TMEM165: variants seen among roughly 807,000 people sequenced by gnomAD.
TMEM165 encodes transmembrane protein 165, also known as putative divalent cation/proton antiporter TMEM165.
In TMEM165, 19 loss-of-function variants were observed where a neutral mutation model predicts 30.0. The ratio of observed to expected loss-of-function variants is 0.63; its 90% CI spans 0.44 to 0.93. TMEM165 has a LOEUF of 0.93. Among genes scored for constraint, TMEM165 ranks in the 40% least tolerant of loss-of-function variants. The probability of loss-of-function intolerance (pLI) is 0.00; values close to 1 mark genes in which losing one functional copy is unlikely to be tolerated. For synonymous variants in TMEM165, 168 were observed against 162.9 expected, an observed-to-expected ratio of 1.03 and a Z score of -0.24; for missense variants, 340 against 417.0, an observed-to-expected ratio of 0.82 and a Z score of 1.61.
At chr4:55,404,868 G>A (rs55832526) in intron 1 of TMEM165, among the ~76,000 whole-genome samples, 1 of 152,142 alleles carries the variant, frequency 6.6e-6, no homozygotes, top group Non-Finnish European at 1.5e-5. Context: ...GAATAATGAA[G>A]CCCGTTTGAC....
chr4:55,402,885 G>A (rs373771255), intron 1 of TMEM165, among the ~76,000 whole-genome samples: 4,125 of 133,684 alleles, frequency 0.031, 231 homozygotes, highest in African/African-American at 0.11. Flanking sequence ...TCTGCCTCCC[G>A]GGTTCACGCC....
At chr4:55,440,766 C>T (rs548067154) in intron 3 of TMEM165, among the ~76,000 whole-genome samples, 1 of 152,280 alleles carries the variant, frequency 6.6e-6, no homozygotes, top group South Asian at 2.1e-4. Context: ...CTTTAATCTG[C>T]TTTCGTGTAA....
Position 55,417,990 on chromosome 4 carries a change from G to T in TMEM165, c.792+5G>T. ...ATTGTATTGGCAGCTAGAGAGGTGAGTGATATTTGAGAGGAGACTGTTTAA... is the reference window on the plus strand; with the variant it reads ...ATTGTATTGGCAGCTAGAGAGGTGATTGATATTTGAGAGGAGACTGTTTAA... On this transcript the variant is annotated splice_donor_5th_base_variant and intron_variant, in intron 4 of 5. Coordinates refer to ENST00000381334, the MANE Select transcript of TMEM165 (RefSeq NM_018475.5). 1 of 1,601,460 alleles carries T rather than the reference G, an allele frequency of 6.2e-7. No individual in the cohort carries two copies. Among genetic ancestry groups the T allele is most frequent in the Non-Finnish European group, 8.5e-7 (1 of 1,175,248 alleles).
intron 2 of TMEM165, among the ~76,000 whole-genome samples, chr4:55,413,293 A>C (rs1721589360): frequency 6.6e-6 from 1 of 151,630 alleles, no homozygotes. Context: ...CCTTGTATTT[A>C]TTTTTTAAAT....
intron 3 of TMEM165, among the ~76,000 whole-genome samples, chr4:55,451,452 G>A (rs1053827945): frequency 1.3e-5 from 2 of 152,092 alleles, no homozygotes; most frequent in Admixed American, 1.3e-4. Context: ...AGTGCTCCAA[G>A]ACACACCCAT....
In TMEM165 at chr4:55,396,160, C is replaced by A; in HGVS notation, c.-30C>A. The A allele has an allele frequency of 1.5e-6, 2 of 1,337,292 alleles. No individual in the cohort carries two copies. Among genetic ancestry groups the A allele is most frequent in the Non-Finnish European group, 1.9e-6 (2 of 1,056,760 alleles). 82.8% of individuals were successfully genotyped at this position (1,337,292 alleles called of 1,614,324 possible). A position where few individuals can be genotyped will look rare whatever the true frequency, so the allele number is the denominator to read the frequency against. On this transcript the variant is annotated 5_prime_UTR_variant, in exon 1 of 6. Transcript: ENST00000381334. Reference sequence around the variant, plus strand: ...CCGTCGCCGGCACTTCCTCTTGCGGCGCCCGTGCGCGGCCGGCCCGGCAGG... The same window carrying A: ...CCGTCGCCGGCACTTCCTCTTGCGGAGCCCGTGCGCGGCCGGCCCGGCAGG...
In TMEM165 at chr4:55,417,263, G is replaced by A; in HGVS notation, c.609+16G>A. 1 of 1,605,326 alleles carries A rather than the reference G, an allele frequency of 6.2e-7. No individual in the cohort carries two copies. The highest frequency in any genetic ancestry group is 8.5e-7 in the Non-Finnish European group (1 of 1,176,712). ...AGATGAAGAAGTAAGCCATGGCACT[G>A]TTGATCTGGACCAAAAAGGCACTCA... On this transcript the variant is annotated intron_variant, in intron 3 of 5. Transcript: ENST00000381334.
In TMEM165 at chr4:55,418,103, T is replaced by A. The variant is rs569254345; in HGVS notation, c.792+118T>A. 74 of 910,290 alleles carry A rather than the reference T, an allele frequency of 8.1e-5. No individual in the cohort carries two copies. The African/African-American group carries it at 1.1e-3, about 14-fold the overall frequency. 56.4% of individuals were successfully genotyped at this position (910,290 alleles called of 1,614,324 possible). A position where few individuals can be genotyped will look rare whatever the true frequency, so the allele number is the denominator to read the frequency against. On this transcript the variant is annotated intron_variant, in intron 4 of 5. Transcript: ENST00000381334. ...GCATTCCTTCATATGCAAGACTGTT[T>A]TACATCTGATAATTCAGCTGCTCTC...
intron 3 of TMEM165, among the ~76,000 whole-genome samples, chr4:55,445,906 A>C (rs945101085): frequency 6.6e-6 from 1 of 151,756 alleles, no homozygotes; most frequent in Non-Finnish European, 1.5e-5. Context: ...TTATTCCTAT[A>C]TTCTTTAGGT....
intron 1 of TMEM165, among the ~76,000 whole-genome samples, chr4:55,400,275 A>AT (rs1720914819): frequency 8.4e-5 from 9 of 106,702 alleles, no homozygotes; most frequent in African/African-American, 2.9e-4. Context: ...AATATATAAT[A>AT]TAATATTATA....
intron 1 of TMEM165, among the ~76,000 whole-genome samples, chr4:55,400,281 T>TATAA (rs1231426418): frequency 1.1e-5 from 1 of 95,182 alleles, no homozygotes; most frequent in African/African-American, 6.3e-5. Context: ...TAATATAATA[T>TATAA]TATATATTAT....
In TMEM165 at chr4:55,425,388, G is replaced by A; in HGVS notation, c.911G>A (p.Gly304Glu). ...KISVRTVTIIGGIVFLAFAFS... is the reference protein window; with the variant it reads ...KISVRTVTIIEGIVFLAFAFS... ...CTCTCTCTTCCAGTGACAATCATAG[G>A]AGGCATCGTTTTTTTGGCGTTTGCA... Residue 304 changes from glycine (G) to glutamate (E), a missense_variant, in exon 6 of 6, where the codon GGA becomes GAA. Coordinates refer to ENST00000381334, the MANE Select transcript of TMEM165 (RefSeq NM_018475.5). The A allele has an allele frequency of 1.2e-6, 2 of 1,613,774 alleles. No homozygotes were observed. The highest frequency in any genetic ancestry group is 1.7e-6 in the Non-Finnish European group (2 of 1,179,820).
chr4:55,435,163 A>T (rs1411457169), intron 3 of TMEM165: 2 of 506,756 alleles, frequency 3.9e-6, no homozygotes, highest in East Asian at 7.1e-5. Context: ...TTTTCCATCA[A>T]AAAATATCCA....
rs1720701340 is a variant in TMEM165, at chr4:55,395,983, G to T, written c.-207G>T. On this transcript the variant is annotated 5_prime_UTR_variant, in exon 1 of 6. In the 5' UTR this introduces an upstream ATG that the reference lacks. Transcript: ENST00000381334. ...ACTCCAGTTTAGCCGCCGCCGGAGA[G>T]GACGGGCGCCGAGCCGGGGCTGCGG... 2.6e-6 allele frequency: 1 copy of T among 390,564 alleles called. No individual in the cohort carries two copies. 24.2% of individuals were successfully genotyped at this position (390,564 alleles called of 1,614,324 possible). A position where few individuals can be genotyped will look rare whatever the true frequency, so the allele number is the denominator to read the frequency against.
At chr4:55,448,832 G>A in intron 3 of TMEM165, 1 of 1,613,942 alleles carries the variant, frequency 6.2e-7, no homozygotes, top group Non-Finnish European at 8.5e-7. Context: ...ATCACTGGCT[G>A]TGTTAATGAT....
chr4:55,418,214 T>C (rs1027421712), intron 4 of TMEM165: 22 of 410,236 alleles, frequency 5.4e-5, no homozygotes, highest in Non-Finnish European at 9.0e-5. Context: ...CTCATCCTTT[T>C]CCCTTTGGTT....
Position 55,442,341 on chromosome 4 carries a change from A to G in TMEM165, c.409-9898A>G, listed in dbSNP as rs1426120501. ...CTGCAGTGAGCATCTCATTAAAATCACATTAAAAAATTTGATTAAGAAATC... is the reference window on the plus strand; with the variant it reads ...CTGCAGTGAGCATCTCATTAAAATCGCATTAAAAAATTTGATTAAGAAATC... On this transcript the variant is annotated intron_variant, in intron 3 of 3. Transcript: ENST00000608091. 3.6e-6 allele frequency: 4 copies of G among 1,123,178 alleles called. No homozygotes were observed. In the Admixed American group the frequency reaches 5.6e-5, roughly 16 times the overall value. The allele number at this position is 1,123,178 out of a possible 1,614,324, so 69.6% of individuals were successfully genotyped here. A position where few individuals can be genotyped will look rare whatever the true frequency, so the allele number is the denominator to read the frequency against.
chr4:55,424,712 G>T, intron 5 of TMEM165, 69 bp downstream of exon 5: 2 of 1,056,192 alleles, frequency 1.9e-6, no homozygotes, highest in South Asian at 2.7e-5. Flanking sequence ...TGTTAGCTTT[G>T]ATTATTTAAA....
intron 1 of TMEM165, among the ~76,000 whole-genome samples, chr4:55,410,024 A>G (rs1387222788): frequency 6.6e-6 from 1 of 152,102 alleles, no homozygotes. Flanking sequence ...GTTGCCATGT[A>G]TTTGCAGGCT....
Sources: allele counts gnomAD v4.1 joint callset (sites outside exome capture counted in the v4.1 genomes callset), GRCh38; gene constraint gnomAD v4.1.1; transcripts MANE v1.5; gene names NCBI Gene and HGNC (gene_info 2026-07-23, HGNC 2026-07-21).